The following ENOSF1 variants were observed in gnomAD, a reference collection of about 807,000 sequenced individuals.
The protein encoded by ENOSF1 is enolase superfamily member 1.
Under a neutral mutation model 68.2 loss-of-function variants are expected in ENOSF1, and 73 were observed. That is an observed-to-expected ratio of 1.07 (90% confidence interval 0.89 to 1.30). The LOEUF is 1.30. Among genes scored for constraint, ENOSF1 ranks in the 50% most tolerant of loss-of-function variants. The pLI, the probability that ENOSF1 is intolerant of heterozygous loss-of-function variation, is 0.00. For missense variants in ENOSF1, 589 were observed against 554.5 expected (o/e 1.06, Z -0.62); for synonymous variants, 223 against 210.4 (o/e 1.06, Z -0.52).
In ENOSF1 at chr18:684,185, C is replaced by T. The variant is rs373001653; in HGVS notation, c.742-805G>A. On this transcript the variant is annotated intron_variant, in intron 10 of 15. Coordinates refer to ENST00000647584, the MANE Select transcript of ENOSF1 (RefSeq NM_017512.7). Reference sequence around the variant, plus strand: ...TTTTTTTTTGTATTTTTAGTAGAGACGGGGTTTCACCATGTTAGCCAGGAT... The same window carrying T: ...TTTTTTTTTGTATTTTTAGTAGAGATGGGGTTTCACCATGTTAGCCAGGAT... Among the ~76,000 whole-genome samples, 71 of 151,638 alleles carry T rather than the reference C, an allele frequency of 4.7e-4. No homozygotes were observed. The South Asian group carries it at 8.8e-3, about 19-fold the overall frequency.
intron 2 of ENOSF1, among the ~76,000 whole-genome samples, chr18:704,445 A>G (rs1192159544): frequency 2.0e-5 from 3 of 150,414 alleles, no homozygotes; most frequent in Non-Finnish European, 4.4e-5. Context: ...GAAAAGAAAA[A>G]AAAAAAAAAA....
At chr18:666,807 C>T (rs1198101351), downstream of ENOSF1, among the ~76,000 whole-genome samples, 1 of 152,214 alleles carries the variant, frequency 6.6e-6, no homozygotes, top group Admixed American at 6.5e-5. Flanking sequence ...ATGCTAGTTT[C>T]CAGGGACTGG....
the ENOSF1 span, among the ~76,000 whole-genome samples, chr18:665,293 A>G: frequency 6.6e-6 from 1 of 150,510 alleles, no homozygotes; most frequent in Admixed American, 6.6e-5. Flanking sequence ...TAGATTTTCT[A>G]GTTTATTTGC....
rs538766290 is a variant in ENOSF1 at position 683,301 on chromosome 18, C to T, written c.821G>A (p.Trp274Ter). ...MSKLAKFKPL[W>*]IEEPTSPDDI... ...ATCAGGGGAGGTTGGCTCCTCAATC[C>T]ACAATGGCTTGAACTTGGCCAGCTT... Residue 274 changes from tryptophan to a stop codon, truncating the protein, a stop_gained, in exon 11 of 16, where the codon TGG becomes TAG. Transcript: ENST00000647584. LOFTEE classifies it high-confidence loss of function. 2.5e-6 allele frequency: 4 copies of T among 1,614,140 alleles called. No homozygotes were observed. In the African/African-American group the frequency reaches 4.0e-5, roughly 16 times the overall value.
At position 672,593 on chromosome 18, in the gene ENOSF1, T is replaced by C. The variant is rs959490610; in HGVS notation, c.*1712A>G. 1 of 282,206 alleles carries C rather than the reference T, an allele frequency of 3.5e-6. No homozygotes were observed. Among genetic ancestry groups the C allele is most frequent in the African/African-American group, 2.2e-5 (1 of 46,414 alleles). 17.5% of individuals were successfully genotyped at this position (282,206 alleles called of 1,614,324 possible). Reference sequence around the variant, plus strand: ...CTGTCTTTAATAAATTTGCCAAGAGTGGTTATAAGAACTTACACCTGATGA... The same window carrying C: ...CTGTCTTTAATAAATTTGCCAAGAGCGGTTATAAGAACTTACACCTGATGA... On this transcript the variant is annotated 3_prime_UTR_variant, in exon 16 of 16. Transcript: ENST00000647584.
chr18:666,366 G>C (rs916885655), downstream of ENOSF1, among the ~76,000 whole-genome samples: 1 of 152,054 alleles, frequency 6.6e-6, no homozygotes, highest in Non-Finnish European at 1.5e-5. Flanking sequence ...GCTGTGAAGC[G>C]CAGTGCCAGG....
At chr18:680,676 G>GTTT (rs33931715) in intron 11 of ENOSF1, among the ~76,000 whole-genome samples, 14 of 101,028 alleles carry the variant, frequency 1.4e-4, no homozygotes, top group South Asian at 3.4e-4. Context: ...ATGCTGTTGT[G>GTTT]TTTTTTTTTT....
Position 690,592 on chromosome 18 carries a change from G to A in ENOSF1, c.575C>T (p.Thr192Ile). Reference protein sequence around the residue: ...MLAQGYPAYTTSCAWLGYSDD... With the variant: ...MLAQGYPAYTISCAWLGYSDD... ...TGAGTACCCCAGCCAGGCGCACGATGTCGTGTAAGCAGGGTATCCTTGTGC... is the reference window on the plus strand; with the variant it reads ...TGAGTACCCCAGCCAGGCGCACGATATCGTGTAAGCAGGGTATCCTTGTGC... The change falls in exon 8 of 16, where the codon ACA becomes ATA. Residue 192 changes from threonine (T) to isoleucine (I), a missense_variant. By Grantham distance (89) the Thr-to-Ile change is moderately conservative. Coordinates refer to ENST00000647584, the MANE Select transcript of ENOSF1 (RefSeq NM_017512.7). The A allele has an allele frequency of 1.9e-6, 3 of 1,614,062 alleles. No individual in the cohort carries two copies. The highest frequency in any genetic ancestry group is 2.2e-5 in the East Asian group (1 of 44,728).
rs185182120 is a variant in ENOSF1, at chr18:709,945, G to C, written c.84+2559C>G. 7.9e-5 allele frequency among the ~76,000 whole-genome samples: 12 copies of C among 152,256 alleles called. No individual in the cohort carries two copies. In the East Asian group the frequency reaches 2.1e-3, roughly 27 times the overall value. On this transcript the variant is annotated intron_variant, in intron 1 of 15. Transcript: ENST00000647584. ...ACTGCAAAACAGCTCATTCTAATAA[G>C]AAGGCACTTGAGAGCTGGCACACAA...
At chr18:680,985 T>C (rs3786356) in intron 11 of ENOSF1, among the ~76,000 whole-genome samples, 22,889 of 152,132 alleles carry the variant, frequency 0.15, 2,160 homozygotes, top group Middle Eastern at 0.26. Context: ...TAGCTGGGAC[T>C]ATAGGTGGGC....
intron 2 of ENOSF1, 25 bp from the exon 3 acceptor site, chr18:697,380 G>C: frequency 1.7e-6 from 2 of 1,146,772 alleles, no homozygotes; most frequent in Non-Finnish European, 2.5e-6. Context: ...TTGAACTCTT[G>C]TTTATGCTTC....
intron 8 of ENOSF1, among the ~76,000 whole-genome samples, chr18:689,775 T>C (rs1341978091): frequency 2.0e-5 from 3 of 152,128 alleles, no homozygotes; most frequent in Admixed American, 2.0e-4. Flanking sequence ...CTTTTGTACG[T>C]GAACGAGAGA....
At chr18:707,560 A>C (rs2612106) in intron 1 of ENOSF1, 92,021 of 152,016 alleles carry the variant, frequency 0.61, 28,188 homozygotes, top group African/African-American at 0.72. Context: ...TTAATTCACT[A>C]ATTTTTTGTT....
chr18:685,960 G>T lies in ENOSF1; in HGVS notation c.702C>A (p.Cys234Ter). 3.1e-6 allele frequency: 5 copies of T among 1,614,032 alleles called. No individual in the cohort carries two copies. The highest frequency in any genetic ancestry group is 4.2e-6 in the Non-Finnish European group (5 of 1,179,964). ...GTCCAATCATGTCTCGGATGATTTGGCATCTTCGCATGTCATCCTGGAGAT... is the reference window on the plus strand; with the variant it reads ...GTCCAATCATGTCTCGGATGATTTGTCATCTTCGCATGTCATCCTGGAGAT... ...GADLQDDMRR[C>*]QIIRDMIGPE... is the part of the protein sequence containing the mutation. The change falls in exon 10 of 16, where the codon TGC (cysteine) becomes TGA (stop). Residue 234 changes from cysteine to a stop codon, truncating the protein, a stop_gained. Coordinates refer to ENST00000647584, the MANE Select transcript of ENOSF1 (RefSeq NM_017512.7). LOFTEE classifies it high-confidence loss of function.
chr18:669,126 C>G (rs147052596), downstream of ENOSF1: 31 of 1,614,066 alleles, frequency 1.9e-5, no homozygotes, highest in Non-Finnish European at 2.5e-5. Context: ...ACCATCAAAA[C>G]CAACCCTGAC....
chr18:698,285 G>A (rs554118717), intron 2 of ENOSF1, among the ~76,000 whole-genome samples: 1 of 152,176 alleles, frequency 6.6e-6, no homozygotes, highest in East Asian at 1.9e-4. Context: ...TAAAGTGTTT[G>A]AACAATCAGA....
At position 670,438 on chromosome 18, in the gene ENOSF1, C is replaced by T; in HGVS notation, c.*3867G>A. On this transcript the variant is annotated 3_prime_UTR_variant, in exon 16 of 16. Coordinates refer to ENST00000647584, the MANE Select transcript of ENOSF1 (RefSeq NM_017512.7). The stretch of plus-strand genomic sequence containing the variant: ...TCTGGTGCCACGAGGTAGCCCAGAT[C>T]CCTTCAGCTCTGATGGAAGAGCATT... The T allele has an allele frequency of 2.2e-6, 1 of 456,770 alleles. No homozygotes were observed. The highest frequency in any genetic ancestry group is 3.9e-6 in the Non-Finnish European group (1 of 255,458). The allele number at this position is 456,770 out of a possible 1,614,324, so 28.3% of individuals were successfully genotyped here.
Position 670,748 on chromosome 18 carries a change from AAC to A in ENOSF1, c.*3555_*3556del. The A allele has an allele frequency of 6.2e-7, 1 of 1,614,102 alleles. No individual in the cohort carries two copies. The highest frequency in any genetic ancestry group is 8.5e-7 in the Non-Finnish European group (1 of 1,180,012). On this transcript the variant is annotated 3_prime_UTR_variant, in exon 16 of 16. Coordinates refer to ENST00000647584, the MANE Select transcript of ENOSF1 (RefSeq NM_017512.7). Reference sequence around the variant, plus strand: ...TGCCCTCTGCCAGTTCTATGTGGTGAACAGTGAGCTGTCCTGCCAGCTGTACC... The same window carrying A: ...TGCCCTCTGCCAGTTCTATGTGGTGAAGTGAGCTGTCCTGCCAGCTGTACC...
Position 677,858 on chromosome 18 carries a change from C to A in ENOSF1, c.933G>T (p.Val311=). 6.2e-7 allele frequency: 1 copy of A among 1,613,678 alleles called. No individual in the cohort carries two copies. The highest frequency in any genetic ancestry group is 8.5e-7 in the Non-Finnish European group (1 of 1,179,920). ...IATGEQCHNR[V]IFKQLLQAKA... ...TCGCCTGTAGGAGTTGCTTAAATATCACTCTATTGTGGCACTGGAAATAGA... is the reference window on the plus strand; with the variant it reads ...TCGCCTGTAGGAGTTGCTTAAATATAACTCTATTGTGGCACTGGAAATAGA... Residue 311 remains valine (V), a synonymous_variant, in exon 13 of 16, where the codon GTG becomes GTT. Coordinates refer to ENST00000647584, the MANE Select transcript of ENOSF1 (RefSeq NM_017512.7).
Sources: gnomAD v4.1 joint callset for allele counts (sites outside exome capture counted in the v4.1 genomes callset) on GRCh38, gnomAD v4.1.1 for gene constraint, MANE v1.5 for transcripts, NCBI Gene and HGNC (gene_info 2026-07-23, HGNC 2026-07-21) for gene names.